Variants in CDK6 observed in about 807,000 individuals in gnomAD.
CDK6 encodes cyclin dependent kinase 6, also known as cyclin-dependent kinase 6.
CDK6 carries 6 observed loss-of-function variants against 37.1 expected under a neutral mutation model. The ratio of observed to expected loss-of-function variants is 0.16; its 90% confidence interval spans 0.09 to 0.32. The LOEUF is 0.32. CDK6 is among the 10% of genes least tolerant of loss of function. The pLI, the probability that CDK6 is intolerant of heterozygous loss-of-function variation, is 1.00. For missense variants in CDK6, 224 were observed against 418.9 expected (o/e 0.53, Z 4.06); for synonymous variants, 160 against 161.3 (o/e 0.99, Z 0.06).
At chr7:92,761,606 T>C (rs1025901906) in intron 3 of CDK6, among the ~76,000 whole-genome samples, 8 of 152,216 alleles carry the variant, frequency 5.3e-5, no homozygotes, top group Admixed American at 4.6e-4. Flanking sequence ...TGCCTTTGTT[T>C]AGAGTTCCTT....
chr7:92,688,595 A>T (rs1370553330), intron 4 of CDK6, among the ~76,000 whole-genome samples: 3 of 149,316 alleles, frequency 2.0e-5, no homozygotes, highest in African/African-American at 7.4e-5. Context: ...ACACACACAC[A>T]CACACACACA....
chr7:92,614,997 G>C lies in CDK6; in HGVS notation c.*143C>G, dbSNP rs1795641893. On this transcript the variant is annotated 3_prime_UTR_variant, in exon 8 of 8. Transcript: ENST00000424848. ...AACAGTAAACTAGGCGGTTTCCTTG[G>C]AGAAGCAGAGCCTGTCCAGAAGACA... The C allele has an allele frequency of 2.8e-6, 2 of 724,520 alleles. No individual in the cohort carries two copies. Among genetic ancestry groups the C allele is most frequent in the Non-Finnish European group, 4.5e-6 (2 of 447,420 alleles). The allele number at this position is 724,520 out of a possible 1,614,324, so 44.9% of individuals were successfully genotyped here. A position where few individuals can be genotyped will look rare whatever the true frequency, so the allele number is the denominator to read the frequency against.
chr7:92,825,637 T>G (rs1801292513), intron 2 of CDK6, among the ~76,000 whole-genome samples: 1 of 152,164 alleles, frequency 6.6e-6, no homozygotes, highest in Non-Finnish European at 1.5e-5. Context: ...AAATTCAGAA[T>G]CATCATCTTT....
At chr7:92,775,986 C>T (rs755881854) in intron 2 of CDK6, among the ~76,000 whole-genome samples, 52 of 151,958 alleles carry the variant, frequency 3.4e-4, no homozygotes, top group Non-Finnish European at 5.7e-4. Flanking sequence ...TAGGTATACA[C>T]GTGCTATGGT....
intron 2 of CDK6, among the ~76,000 whole-genome samples, chr7:92,798,848 G>C (rs1384909113): frequency 1.3e-5 from 2 of 152,036 alleles, no homozygotes. Context: ...TCCTTTTCTT[G>C]TAATAGAAGA....
chr7:92,620,744 T>TA (rs1452800049), intron 6 of CDK6, among the ~76,000 whole-genome samples: 3 of 151,724 alleles, frequency 2.0e-5, no homozygotes, highest in African/African-American at 7.3e-5. Flanking sequence ...TCCATCTCTA[T>TA]AAAAAATATA....
At chr7:92,673,177 A>G (rs1236020830) in intron 4 of CDK6, among the ~76,000 whole-genome samples, 2 of 152,260 alleles carry the variant, frequency 1.3e-5, no homozygotes, top group Non-Finnish European at 2.9e-5. Flanking sequence ...CATCTTGGAC[A>G]TTCAAGCCAA....
chr7:92,615,115 T>G lies in CDK6; in HGVS notation c.*25A>C, dbSNP rs968533349. On this transcript the variant is annotated 3_prime_UTR_variant, in exon 8 of 8. Transcript: ENST00000424848. ...GCCACCAAGGGTGTTCTCCGCAGGA[T>G]CAGCTTAAGGCGGCTGCTGAGGCCT... 6.2e-7 allele frequency: 1 copy of G among 1,612,384 alleles called. No homozygotes were observed. The highest frequency in any genetic ancestry group is 8.5e-7 in the Non-Finnish European group (1 of 1,179,724).
Position 92,644,489 on chromosome 7 carries a change from T to C in CDK6, c.648-21403A>G, listed in dbSNP as rs534855455. 2.0e-5 allele frequency among the ~76,000 whole-genome samples: 3 copies of C among 152,364 alleles called. No individual in the cohort carries two copies. In the South Asian group the frequency reaches 6.2e-4, roughly 32 times the overall value. ...CTCTACTCCCTGGCTTCTGGAAATC[T>C]ATTTTTCCCTCCATCACAATATTTC... On this transcript the variant is annotated intron_variant, in intron 5 of 7. Transcript: ENST00000424848.
At chr7:92,790,767 C>T (rs1453798454) in intron 2 of CDK6, among the ~76,000 whole-genome samples, 5 of 152,000 alleles carry the variant, frequency 3.3e-5, no homozygotes, top group Non-Finnish European at 7.4e-5. Context: ...AAGAAGCAAC[C>T]CATCCATATG....
At chr7:92,758,244 T>C (rs1435223033) in intron 3 of CDK6, among the ~76,000 whole-genome samples, 1 of 152,206 alleles carries the variant, frequency 6.6e-6, no homozygotes, top group Non-Finnish European at 1.5e-5. Context: ...TAGGCTGTCT[T>C]CCAGGGTTTT....
chr7:92,763,871 A>G (rs1226346688), intron 3 of CDK6, among the ~76,000 whole-genome samples: 1 of 152,096 alleles, frequency 6.6e-6, no homozygotes, highest in East Asian at 1.9e-4. Flanking sequence ...ACTTATTAGA[A>G]ACTCCCTCCT....
chr7:92,640,426 T>C lies in CDK6; in HGVS notation c.648-17340A>G, dbSNP rs376561047. Among the ~76,000 whole-genome samples the C allele has an allele frequency of 4.8e-4, 73 of 152,336 alleles. 1 individual carries two copies. In the South Asian group the frequency reaches 0.015, roughly 31 times the overall value. On this transcript the variant is annotated intron_variant, in intron 5 of 7. Coordinates refer to ENST00000424848, the MANE Select transcript of CDK6 (RefSeq NM_001145306.2). Reference sequence around the variant, plus strand: ...CAATAGATACAAAAGAAGGATGGTATAGCACATTATACGGTATATGACTGG... The same window carrying C: ...CAATAGATACAAAAGAAGGATGGTACAGCACATTATACGGTATATGACTGG...
At chr7:92,799,852 T>C (rs1800523797) in intron 2 of CDK6, among the ~76,000 whole-genome samples, 1 of 152,234 alleles carries the variant, frequency 6.6e-6, no homozygotes, top group Non-Finnish European at 1.5e-5. Flanking sequence ...CTCAATTTCC[T>C]GAACTTTGAC....
chr7:92,675,286 T>A (rs1797178752), intron 4 of CDK6, among the ~76,000 whole-genome samples: 1 of 152,248 alleles, frequency 6.6e-6, no homozygotes, highest in African/African-American at 2.4e-5. Flanking sequence ...TTAGGGAAAT[T>A]CCCTCTATTC....
intron 4 of CDK6, among the ~76,000 whole-genome samples, chr7:92,687,257 C>T (rs912774861): frequency 2.8e-4 from 42 of 152,172 alleles, no homozygotes; most frequent in South Asian, 8.3e-4. Context: ...GAATCTGCTT[C>T]CATCTCTGTT....
At chr7:92,719,351 C>G (rs1434176690) in intron 4 of CDK6, among the ~76,000 whole-genome samples, 1 of 152,102 alleles carries the variant, frequency 6.6e-6, no homozygotes, top group Non-Finnish European at 1.5e-5. Context: ...TATTGGGAAT[C>G]TTATCAGTTA....
At chr7:92,796,102 A>G (rs73710482) in intron 2 of CDK6, among the ~76,000 whole-genome samples, 5,160 of 151,720 alleles carry the variant, frequency 0.034, 304 homozygotes, top group African/African-American at 0.12. Flanking sequence ...AAAAAAAAAA[A>G]AAACTCATCC....
At chr7:92,827,921 T>C (rs1419874301) in intron 2 of CDK6, among the ~76,000 whole-genome samples, 2 of 152,186 alleles carry the variant, frequency 1.3e-5, no homozygotes, top group Non-Finnish European at 2.9e-5. Context: ...ATGTGTCTGA[T>C]GGTTATTATG....
Sources: gnomAD v4.1 joint callset for allele counts (sites outside exome capture counted in the v4.1 genomes callset) on GRCh38, gnomAD v4.1.1 for gene constraint, MANE v1.5 for transcripts, NCBI Gene and HGNC (gene_info 2026-07-23, HGNC 2026-07-21) for gene names.